Variants in TMEM50B observed in about 807,000 individuals in gnomAD.
The protein encoded by TMEM50B is HCV p7-trans-regulated protein 3.
In TMEM50B, 14 loss-of-function variants were observed where a neutral mutation model predicts 23.4. That is an observed-to-expected ratio of 0.60 (90% CI 0.39 to 0.93). TMEM50B has a LOEUF of 0.93. Ranked by LOEUF, TMEM50B falls within the 40% of genes least tolerant of loss-of-function variation. The probability of loss-of-function intolerance (pLI) is 0.00; values close to 1 mark genes in which losing one functional copy is unlikely to be tolerated. For synonymous variants in TMEM50B, 64 were observed against 62.3 expected, an observed-to-expected ratio of 1.03 and a Z score of -0.13; for missense variants, 159 against 193.0, an observed-to-expected ratio of 0.82 and a Z score of 1.04.
intron 7 of TMEM50B, among the ~76,000 whole-genome samples, chr21:33,442,264 G>A (rs2084014939): frequency 1.3e-5 from 2 of 152,098 alleles, no homozygotes; most frequent in African/African-American, 4.8e-5. Flanking sequence ...CCTCCCTTGA[G>A]ACTCAAGGAC....
At position 33,450,854 on chromosome 21, in the gene TMEM50B, G is replaced by T. The variant is rs1222289227; in HGVS notation, c.441C>A (p.Ile147=). 1.2e-6 allele frequency: 2 copies of T among 1,612,944 alleles called. No homozygotes were observed. Among genetic ancestry groups the T allele is most frequent in the African/African-American group, 2.7e-5 (2 of 74,850 alleles). ...GCTCTTCGGTTCTTCCAAATTTGTAGATCAGAGTGCTAGAAAGATAGGAAA... is the reference window on the plus strand; with the variant it reads ...GCTCTTCGGTTCTTCCAAATTTGTATATCAGAGTGCTAGAAAGATAGGAAA... ...QNALIFFSTL[I]YKFGRTEELW... is the part of the protein sequence containing the mutation. The change falls in exon 7 of 7, where the codon ATC becomes ATA. Residue 147 remains isoleucine (I), a synonymous_variant. Coordinates refer to ENST00000542230, the MANE Select transcript of TMEM50B (RefSeq NM_006134.7).
At chr21:33,453,102 GTATT>G (rs1601115187) in intron 6 of TMEM50B, among the ~76,000 whole-genome samples, 1 of 152,050 alleles carries the variant, frequency 6.6e-6, no homozygotes, top group Non-Finnish European at 1.5e-5. Context: ...ATTTATTTAT[GTATT>G]TATTTATTTT....
At chr21:33,464,050 G>A (rs2084241496) in intron 4 of TMEM50B, among the ~76,000 whole-genome samples, 6 of 152,118 alleles carry the variant, frequency 3.9e-5, no homozygotes, top group Admixed American at 3.9e-4. Flanking sequence ...GTTCTAGATG[G>A]GAAACAAGCA....
At chr21:33,444,630 C>T (rs1380354806), downstream of TMEM50B, among the ~76,000 whole-genome samples, 3 of 151,682 alleles carry the variant, frequency 2.0e-5, no homozygotes, top group East Asian at 3.9e-4. Context: ...GTTTTTGGCA[C>T]CAGGAGTAGA....
chr21:33,447,681 T>TATACACAC (rs1320796429), downstream of TMEM50B, among the ~76,000 whole-genome samples: 9 of 132,130 alleles, frequency 6.8e-5, no homozygotes, highest in African/African-American at 2.5e-4. Flanking sequence ...TGTATAGAAA[T>TATACACAC]ACACACACAC....
chr21:33,468,415 A>T (rs1185744278), intron 2 of TMEM50B: 1 of 177,798 alleles, frequency 5.6e-6, no homozygotes, highest in African/African-American at 2.4e-5. Flanking sequence ...TCTGCAGAGT[A>T]CTGTCACTGT....
At chr21:33,460,954 A>T (rs954642822) in intron 4 of TMEM50B, among the ~76,000 whole-genome samples, 3 of 152,230 alleles carry the variant, frequency 2.0e-5, no homozygotes, top group Non-Finnish European at 2.9e-5. Flanking sequence ...GCCATTCTTT[A>T]GGAGTATATT....
chr21:33,478,843 G>C (rs2084398732), intron 1 of TMEM50B: 2 of 471,154 alleles, frequency 4.2e-6, no homozygotes, highest in Non-Finnish European at 8.8e-6. Context: ...TGACCGGCCT[G>C]AGAGTTCAGA....
intron 1 of TMEM50B, among the ~76,000 whole-genome samples, chr21:33,474,729 C>T (rs1012492386): frequency 1.2e-4 from 4 of 33,754 alleles, no homozygotes; most frequent in Non-Finnish European, 2.5e-4. Flanking sequence ...GAGCCAAGAT[C>T]GTGCCATTGC....
At chr21:33,478,291 ACTCT>A (rs1189699593) in intron 1 of TMEM50B, among the ~76,000 whole-genome samples, 1 of 151,240 alleles carries the variant, frequency 6.6e-6, no homozygotes, top group Non-Finnish European at 1.5e-5. Context: ...ACATGGTGAA[ACTCT>A]CTCTCTACTA....
At chr21:33,436,738 AAAAT>A (rs1262724968) in intron 8 of TMEM50B, 5 of 1,082,308 alleles carry the variant, frequency 4.6e-6, no homozygotes, top group African/African-American at 3.3e-5. Context: ...AATAAAAATA[AAAAT>A]AAAATAAAAA....
chr21:33,437,699 C>T (rs749940614), intron 8 of TMEM50B, among the ~76,000 whole-genome samples: 28 of 152,112 alleles, frequency 1.8e-4, no homozygotes, highest in Non-Finnish European at 2.6e-4. Context: ...TAAAGAAGGC[C>T]AGGGCCTAGT....
At chr21:33,464,804 C>CCAAAAAAAAAAAAAAAA (rs2084249852) in intron 4 of TMEM50B, among the ~76,000 whole-genome samples, 1 of 100,896 alleles carries the variant, frequency 9.9e-6, no homozygotes, top group Non-Finnish European at 2.2e-5. Flanking sequence ...AACTCCGTCT[C>CCAAAAAAAAAAAAAAAA]AAAAAAAAAA....
downstream of TMEM50B, among the ~76,000 whole-genome samples, chr21:33,448,437 A>G (rs2084085855): frequency 6.6e-6 from 1 of 152,104 alleles, no homozygotes; most frequent in Admixed American, 6.6e-5. Flanking sequence ...TGTTGAGACC[A>G]GTTCACCCAG....
chr21:33,435,815 G>A (rs111321354), intron 8 of TMEM50B, among the ~76,000 whole-genome samples: 13,280 of 148,182 alleles, frequency 0.09, 843 homozygotes, highest in Non-Finnish European at 0.14. Context: ...CCCAGGAGGC[G>A]GAGGCTGCAG....
chr21:33,435,181 G>C (rs2083932983), intron 8 of TMEM50B, among the ~76,000 whole-genome samples: 1 of 152,182 alleles, frequency 6.6e-6, no homozygotes, highest in Admixed American at 6.6e-5. Context: ...GGGAGCAAAA[G>C]GGAAATTAAT....
downstream of TMEM50B, among the ~76,000 whole-genome samples, chr21:33,446,239 TATTTTTTA>T (rs943709613): frequency 6.2e-5 from 7 of 112,790 alleles, no homozygotes; most frequent in Non-Finnish European, 1.2e-4. Context: ...TTTTATTTTT[TATTTTTTA>T]TTTTTTTTTG....
intron 1 of TMEM50B, among the ~76,000 whole-genome samples, chr21:33,471,592 G>T (rs911531309): frequency 6.6e-6 from 1 of 152,046 alleles, no homozygotes; most frequent in Non-Finnish European, 1.5e-5. Context: ...AAAGAATCAG[G>T]AGCCAATGTG....
intron 1 of TMEM50B, among the ~76,000 whole-genome samples, chr21:33,471,594 G>C (rs1408218558): frequency 6.6e-6 from 1 of 152,070 alleles, no homozygotes; most frequent in Non-Finnish European, 1.5e-5. Context: ...AGAATCAGGA[G>C]CCAATGTGAT....
Sources: gnomAD v4.1 joint callset for allele counts (sites outside exome capture counted in the v4.1 genomes callset) on GRCh38, gnomAD v4.1.1 for gene constraint, MANE v1.5 for transcripts, NCBI Gene and HGNC (gene_info 2026-07-23, HGNC 2026-07-21) for gene names.